CDH11: variants seen among roughly 807,000 people sequenced by gnomAD.
The protein encoded by CDH11 is cadherin-11.
CDH11 carries 11 observed loss-of-function variants against 67.8 expected under a neutral mutation model. The ratio of observed to expected loss-of-function variants is 0.16; its 90% CI spans 0.10 to 0.27. The LOEUF (loss-of-function observed/expected upper bound fraction) is 0.27, where lower values mean the gene tolerates loss of function less well. Among genes scored for constraint, CDH11 ranks in the 10% least tolerant of loss-of-function variants. The pLI is 1.00. For missense variants in CDH11, 847 were observed against 1,031.2 expected, an observed-to-expected ratio of 0.82 and a Z score of 2.45; for synonymous variants, 419 against 400.0, an observed-to-expected ratio of 1.05 and a Z score of -0.57.
intron 4 of CDH11, among the ~76,000 whole-genome samples, chr16:64,995,289 A>C (rs1226304987): frequency 6.6e-6 from 1 of 152,212 alleles, no homozygotes; most frequent in Non-Finnish European, 1.5e-5. Flanking sequence ...AGTCAAAGCA[A>C]TCCTAAGCAA....
intron 11 of CDH11, among the ~76,000 whole-genome samples, chr16:64,953,077 GTAAA>G (rs2071405526): frequency 6.6e-6 from 1 of 151,986 alleles, no homozygotes; most frequent in South Asian, 2.1e-4. Flanking sequence ...TAACAGCCAT[GTAAA>G]TAGTTATGAT....
rs778940036 is a variant in CDH11 at position 64,948,688 on chromosome 16, C to T, written c.1895-589G>A. 7 of 1,608,084 alleles carry T rather than the reference C, an allele frequency of 4.4e-6. No homozygotes were observed. In the East Asian group the frequency reaches 1.6e-4, roughly 36 times the overall value. ...AAAGACCCCCAGAAGACAAAATCTT[C>T]TGTTTACTTTAACATAGGAAAATAG... On this transcript the variant is annotated intron_variant, in intron 12 of 12. Transcript: ENST00000268603.
chr16:65,067,337 A>T (rs1296326497), intron 1 of CDH11, among the ~76,000 whole-genome samples: 1 of 152,224 alleles, frequency 6.6e-6, no homozygotes, highest in East Asian at 1.9e-4. Context: ...GCATAGATAG[A>T]ACACATACAC....
chr16:65,069,483 T>C (rs1597155776), intron 1 of CDH11, among the ~76,000 whole-genome samples: 1 of 152,080 alleles, frequency 6.6e-6, no homozygotes, highest in African/African-American at 2.4e-5. Flanking sequence ...ACACATGGAG[T>C]ACCTCTTTTG....
At chr16:65,083,111 CT>C (rs1404149221) in intron 1 of CDH11, among the ~76,000 whole-genome samples, 6 of 152,138 alleles carry the variant, frequency 3.9e-5, no homozygotes, top group Non-Finnish European at 8.8e-5. Flanking sequence ...AGAGAAATGA[CT>C]TTTTTTCTAT....
intron 1 of CDH11, among the ~76,000 whole-genome samples, chr16:65,068,759 T>C (rs2074364381): frequency 2.0e-5 from 3 of 152,340 alleles, no homozygotes; most frequent in South Asian, 4.1e-4. Context: ...TTCTAAGCCA[T>C]TCGCTTTAAT....
At chr16:64,992,294 A>T (rs1388880689) in intron 5 of CDH11, among the ~76,000 whole-genome samples, 1 of 152,212 alleles carries the variant, frequency 6.6e-6, no homozygotes, top group African/African-American at 2.4e-5. Context: ...CTGTAAGTCT[A>T]TTGCTACATA....
At chr16:64,987,809 G>A (rs2072524368) in intron 7 of CDH11, 1 of 184,126 alleles carries the variant, frequency 5.4e-6, no homozygotes, top group African/African-American at 2.3e-5. Flanking sequence ...GTGTGGCAGA[G>A]CTAAGGGGGG....
intron 1 of CDH11, among the ~76,000 whole-genome samples, chr16:65,115,468 A>G (rs918958396): frequency 6.6e-6 from 1 of 152,178 alleles, no homozygotes; most frequent in African/African-American, 2.4e-5. Context: ...ACTGAATCCC[A>G]AGTCTATTTC....
chr16:65,014,966 C>G (rs1409043531), intron 2 of CDH11, among the ~76,000 whole-genome samples: 1 of 151,340 alleles, frequency 6.6e-6, no homozygotes, highest in Non-Finnish European at 1.5e-5. Context: ...AGTGATTCTC[C>G]TGCCTCAGCC....
intron 11 of CDH11, among the ~76,000 whole-genome samples, chr16:64,964,277 C>T (rs966907450): frequency 6.6e-6 from 1 of 152,136 alleles, no homozygotes; most frequent in Non-Finnish European, 1.5e-5. Flanking sequence ...CCCTATATGG[C>T]ACAGCCTATT....
In CDH11 at chr16:65,121,731, C is replaced by T; in HGVS notation, c.-298+149G>A. On this transcript the variant is annotated intron_variant, in intron 1 of 12. Transcript: ENST00000268603. The surrounding 1 kb of genome is among the most constrained non-coding windows in gnomAD (Gnocchi z 4.1). ...TAAACAAATCTCTCCCTCCCTTTTG[C>T]TTTGCGTTAGTGAAGCCTTCTCGAC... is the stretch of plus-strand genomic sequence containing the variant. 1.5e-6 allele frequency: 1 copy of T among 672,018 alleles called. No individual in the cohort carries two copies. Among genetic ancestry groups the T allele is most frequent in the Non-Finnish European group, 2.7e-6 (1 of 372,864 alleles). The allele number at this position is 672,018 out of a possible 1,614,324, so 41.6% of individuals were successfully genotyped here. A position where few individuals can be genotyped will look rare whatever the true frequency, so the allele number is the denominator to read the frequency against.
rs2072060219 is a variant in CDH11 at position 64,973,119 on chromosome 16, T to C, written c.1254-79A>G. ...ATTTGAATATTTTCTCCATGCTATA[T>C]TTAAATCAAGCTTCTCAATGAATTA... On this transcript the variant is annotated intron_variant, in intron 8 of 12. Coordinates refer to ENST00000268603, the MANE Select transcript of CDH11 (RefSeq NM_001797.4). 2.2e-6 allele frequency: 3 copies of C among 1,361,246 alleles called. No homozygotes were observed. The South Asian group carries it at 3.9e-5, about 18-fold the overall frequency. 84.3% of individuals were successfully genotyped at this position (1,361,246 alleles called of 1,614,324 possible). A position where few individuals can be genotyped will look rare whatever the true frequency, so the allele number is the denominator to read the frequency against.
At chr16:65,117,450 T>C (rs374287666) in intron 1 of CDH11, among the ~76,000 whole-genome samples, 2 of 152,314 alleles carry the variant, frequency 1.3e-5, no homozygotes, top group East Asian at 1.9e-4. Context: ...GCCTGGAATA[T>C]GCAATTTAAT....
chr16:65,052,351 T>C (rs1342687390), intron 2 of CDH11, among the ~76,000 whole-genome samples: 1 of 152,182 alleles, frequency 6.6e-6, no homozygotes, highest in Non-Finnish European at 1.5e-5. Flanking sequence ...GTGTAATCCC[T>C]GGCTGCTAAA....
chr16:65,086,281 G>A (rs2074696716), intron 1 of CDH11, among the ~76,000 whole-genome samples: 1 of 152,180 alleles, frequency 6.6e-6, no homozygotes, highest in African/African-American at 2.4e-5. Flanking sequence ...CCATACACTA[G>A]GTATACCAAT....
At chr16:64,961,306 T>C (rs2071669376) in intron 11 of CDH11, among the ~76,000 whole-genome samples, 1 of 152,164 alleles carries the variant, frequency 6.6e-6, no homozygotes, top group Non-Finnish European at 1.5e-5. Flanking sequence ...AGTATTTTTG[T>C]TGTCGTTATA....
At chr16:65,017,325 C>T (rs939063998) in intron 2 of CDH11, among the ~76,000 whole-genome samples, 3 of 152,138 alleles carry the variant, frequency 2.0e-5, no homozygotes. Flanking sequence ...GGAACGCTTG[C>T]AACCTAGGGT....
chr16:64,946,629 C>T lies in CDH11; in HGVS notation c.*974G>A. 1 of 1,020,038 alleles carries T rather than the reference C, an allele frequency of 9.8e-7. No individual in the cohort carries two copies. Among genetic ancestry groups the T allele is most frequent in the Non-Finnish European group, 1.2e-6 (1 of 847,970 alleles). The allele number at this position is 1,020,038 out of a possible 1,614,324, so 63.2% of individuals were successfully genotyped here. On this transcript the variant is annotated 3_prime_UTR_variant, in exon 13 of 13. Coordinates refer to ENST00000268603, the MANE Select transcript of CDH11 (RefSeq NM_001797.4). Reference sequence around the variant, plus strand: ...CTTGTCTGAAAAAACATTTGTAAAACATATTTGATTTTAAATAAACAATAA... The same window carrying T: ...CTTGTCTGAAAAAACATTTGTAAAATATATTTGATTTTAAATAAACAATAA...
Sources: gnomAD v4.1 joint callset for allele counts (sites outside exome capture counted in the v4.1 genomes callset) on GRCh38, gnomAD v4.1.1 for gene constraint, Gnocchi (gnomAD v3.1) non-coding constraint, MANE v1.5 for transcripts, NCBI Gene and HGNC (gene_info 2026-07-23, HGNC 2026-07-21) for gene names.